Variants in IFNGR2 observed in about 807,000 individuals in gnomAD.
The protein encoded by IFNGR2 is interferon gamma receptor 2.
Under a neutral mutation model 41.1 loss-of-function variants are expected in IFNGR2, and 15 were observed. The observed-to-expected ratio is 0.37, with a 90% confidence interval of 0.24 to 0.56. The LOEUF (loss-of-function observed/expected upper bound fraction) is 0.56, where lower values mean the gene tolerates loss of function less well. IFNGR2 is among the 20% of genes least tolerant of loss of function. The probability of loss-of-function intolerance (pLI) is 0.81; values close to 1 mark genes in which losing one functional copy is unlikely to be tolerated. For missense variants in IFNGR2, 362 were observed against 415.7 expected (o/e 0.87, Z 1.12); for synonymous variants, 161 against 171.6 (o/e 0.94, Z 0.48).
At chr21:33,435,305 G>A (rs2083934658) in intron 6 of IFNGR2, among the ~76,000 whole-genome samples, 1 of 152,130 alleles carries the variant, frequency 6.6e-6, no homozygotes, top group East Asian at 1.9e-4. Flanking sequence ...ACCAATGCTT[G>A]TGAACTTGCC....
intron 6 of IFNGR2, among the ~76,000 whole-genome samples, chr21:33,433,330 G>A (rs1229737317): frequency 2.0e-5 from 3 of 152,204 alleles, no homozygotes; most frequent in Non-Finnish European, 2.9e-5. Flanking sequence ...ATGTTGACAC[G>A]ATTCACAACA....
At chr21:33,418,412 TAGAAAA>T (rs1171670997) in intron 2 of IFNGR2, among the ~76,000 whole-genome samples, 2 of 152,160 alleles carry the variant, frequency 1.3e-5, no homozygotes, top group African/African-American at 2.4e-5. Flanking sequence ...ATATTCCTGT[TAGAAAA>T]AGGTGAAATC....
chr21:33,432,489 G>A, intron 5 of IFNGR2, 153 bp downstream of exon 5: 1 of 891,958 alleles, frequency 1.1e-6, no homozygotes, highest in Non-Finnish European at 1.8e-6. Flanking sequence ...CTTGTGCTGA[G>A]ATTTGCAGTA....
rs2083962853 is a variant in IFNGR2 at position 33,437,087 on chromosome 21, G to A, written c.*125G>A. 4.4e-6 allele frequency: 4 copies of A among 905,530 alleles called. No homozygotes were observed. Among genetic ancestry groups the A allele is most frequent in the Admixed American group, 2.0e-5 (1 of 49,980 alleles). The allele number at this position is 905,530 out of a possible 1,614,324, so 56.1% of individuals were successfully genotyped here. On this transcript the variant is annotated 3_prime_UTR_variant, in exon 7 of 7. Coordinates refer to ENST00000290219, the MANE Select transcript of IFNGR2 (RefSeq NM_005534.4). ...TGCTGCCTCTAAAAGGCCTGTCCCT[G>A]CAGACATGAGAGACAGCAGGTCTCA...
At chr21:33,423,271 C>T (rs1404204203) in intron 3 of IFNGR2, among the ~76,000 whole-genome samples, 1 of 151,970 alleles carries the variant, frequency 6.6e-6, no homozygotes, top group Non-Finnish European at 1.5e-5. Context: ...GAACTCCTGA[C>T]CTTGTGATCC....
chr21:33,432,413 T>C, intron 5 of IFNGR2, 77 bp downstream of exon 5: 1 of 1,398,900 alleles, frequency 7.1e-7, no homozygotes, highest in Non-Finnish European at 1.0e-6. Context: ...GGAATGCTTA[T>C]GAGGTCATGG....
At chr21:33,422,358 G>C (rs2083800167) in intron 3 of IFNGR2, among the ~76,000 whole-genome samples, 1 of 152,184 alleles carries the variant, frequency 6.6e-6, no homozygotes, top group Non-Finnish European at 1.5e-5. Flanking sequence ...TGCACACACA[G>C]GGCATGAAAC....
At chr21:33,428,020 C>T (rs1310463242) in intron 4 of IFNGR2, among the ~76,000 whole-genome samples, 1 of 151,364 alleles carries the variant, frequency 6.6e-6, no homozygotes, top group East Asian at 2.0e-4. Context: ...CATGAGCCAC[C>T]GTGCCCGGCC....
At chr21:33,409,002 C>T (rs776332405) in intron 1 of IFNGR2, among the ~76,000 whole-genome samples, 6 of 151,096 alleles carry the variant, frequency 4.0e-5, no homozygotes, top group African/African-American at 1.2e-4. Context: ...GATGGTGAAA[C>T]GCTGTCTCTA....
chr21:33,411,198 T>C (rs1394083746), intron 1 of IFNGR2, among the ~76,000 whole-genome samples: 9 of 152,232 alleles, frequency 5.9e-5, no homozygotes, highest in Non-Finnish European at 1.5e-5. Context: ...TTGGGCCATC[T>C]CTTACACCTC....
At chr21:33,416,560 C>T (rs958503298) in intron 2 of IFNGR2, among the ~76,000 whole-genome samples, 11 of 152,122 alleles carry the variant, frequency 7.2e-5, no homozygotes, top group Admixed American at 5.2e-4. Context: ...TGGTGGCTCA[C>T]GCCTGTAATC....
intron 2 of IFNGR2, among the ~76,000 whole-genome samples, chr21:33,418,493 TTTTTAGATACTTTG>T (rs2083769035): frequency 6.6e-6 from 1 of 152,228 alleles, no homozygotes; most frequent in South Asian, 2.1e-4. Flanking sequence ...TTTGCATTTG[TTTTTAGATACTTTG>T]TTTTAGATAC....
chr21:33,436,908 G>C lies in IFNGR2; in HGVS notation c.960G>C (p.Val320=). 2 of 1,613,974 alleles carry C rather than the reference G, an allele frequency of 1.2e-6. No individual in the cohort carries two copies. Among genetic ancestry groups the C allele is most frequent in the African/African-American group, 1.3e-5 (1 of 75,006 alleles). Residue 320 remains valine (V), a synonymous_variant, in exon 7 of 7, where the codon GTG becomes GTC. Coordinates refer to ENST00000290219, the MANE Select transcript of IFNGR2 (RefSeq NM_005534.4). ...SSPKDDVWDS[V]SIISFPEKEQ... is the part of the protein sequence containing the mutation. ...CAAAGGATGACGTCTGGGACTCTGT[G>C]TCCATTATCTCGTTTCCGGAAAAGG...
At chr21:33,428,862 A>G (rs2083862289) in intron 4 of IFNGR2, among the ~76,000 whole-genome samples, 1 of 151,890 alleles carries the variant, frequency 6.6e-6, no homozygotes, top group South Asian at 2.1e-4. Context: ...TTTTTTTAGG[A>G]TGGAGTCCAT....
chr21:33,405,738 T>C, intron 1 of IFNGR2, among the ~76,000 whole-genome samples: 1 of 152,128 alleles, frequency 6.6e-6, no homozygotes, highest in East Asian at 1.9e-4. Flanking sequence ...TAAAAAAATT[T>C]TAAAAAGTGA....
intron 5 of IFNGR2, 108 bp from the exon 6 acceptor site, chr21:33,432,606 A>G (rs2083899942): frequency 7.8e-7 from 1 of 1,287,820 alleles, no homozygotes; most frequent in Non-Finnish European, 1.1e-6. Flanking sequence ...GGACTTGCCC[A>G]TTTTACTAGG....
intron 2 of IFNGR2, among the ~76,000 whole-genome samples, chr21:33,415,957 G>A (rs1275944219): frequency 6.6e-6 from 1 of 152,172 alleles, no homozygotes; most frequent in Non-Finnish European, 1.5e-5. Context: ...CACCTCCTGG[G>A]TTCAAGTGAT....
intron 3 of IFNGR2, among the ~76,000 whole-genome samples, chr21:33,422,535 T>TA (rs1436641250): frequency 6.6e-6 from 1 of 152,176 alleles, no homozygotes; most frequent in Non-Finnish European, 1.5e-5. Flanking sequence ...GTTAAGATGT[T>TA]AAAGTTTATG....
intron 1 of IFNGR2, among the ~76,000 whole-genome samples, 169 bp downstream of exon 1, chr21:33,403,785 G>A (rs1398062591): frequency 6.6e-6 from 1 of 152,116 alleles, no homozygotes; most frequent in Non-Finnish European, 1.5e-5. Context: ...CAGATCAGGT[G>A]GGAACCTGCG....
Sources: gnomAD v4.1 joint callset for allele counts (sites outside exome capture counted in the v4.1 genomes callset) on GRCh38, gnomAD v4.1.1 for gene constraint, MANE v1.5 for transcripts, NCBI Gene and HGNC (gene_info 2026-07-23, HGNC 2026-07-21) for gene names.